CNTNAP5: variants seen among roughly 807,000 people sequenced by gnomAD.
CNTNAP5 encodes the protein contactin-associated protein-like 5.
Under a neutral mutation model 150.2 loss-of-function variants are expected in CNTNAP5, and 72 were observed. The ratio of observed to expected loss-of-function variants is 0.48; its 90% CI spans 0.40 to 0.58. CNTNAP5 has a LOEUF of 0.58. Ranked by LOEUF, CNTNAP5 falls within the 20% of genes least tolerant of loss-of-function variation. CNTNAP5 has a pLI of 0.00. For synonymous variants in CNTNAP5, 672 were observed against 619.8 expected (o/e 1.08, Z -1.25); for missense variants, 1,636 against 1,626.2 (o/e 1.01, Z -0.10).
At chr2:124,204,561 T>C (rs888673289) in intron 1 of CNTNAP5, among the ~76,000 whole-genome samples, 1 of 152,200 alleles carries the variant, frequency 6.6e-6, no homozygotes, top group Non-Finnish European at 1.5e-5. Flanking sequence ...TACTCCAGAC[T>C]GTGTAATTTA....
At chr2:124,220,294 A>G (rs2104738713) in intron 1 of CNTNAP5, among the ~76,000 whole-genome samples, 1 of 152,230 alleles carries the variant, frequency 6.6e-6, no homozygotes, top group African/African-American at 2.4e-5. Context: ...ATGAAATTAA[A>G]TGTGTACAAG....
At chr2:124,546,960 C>A (rs1558948600) in intron 10 of CNTNAP5, among the ~76,000 whole-genome samples, 1 of 152,150 alleles carries the variant, frequency 6.6e-6, no homozygotes, top group Non-Finnish European at 1.5e-5. Context: ...CAGAGTTTGA[C>A]ACCTGGTAGA....
At chr2:124,472,279 C>T (rs1409596750) in intron 6 of CNTNAP5, among the ~76,000 whole-genome samples, 1 of 151,976 alleles carries the variant, frequency 6.6e-6, no homozygotes, top group African/African-American at 2.4e-5. Flanking sequence ...ACTAAGCATT[C>T]ATTCTTATTT....
intron 1 of CNTNAP5, among the ~76,000 whole-genome samples, chr2:124,031,605 A>G (rs937366525): frequency 8.5e-5 from 13 of 152,134 alleles, no homozygotes; most frequent in Admixed American, 3.9e-4. Flanking sequence ...GGTCTTATTT[A>G]TGTATCACAT....
intron 1 of CNTNAP5, among the ~76,000 whole-genome samples, chr2:124,096,596 CATAT>C (rs1289102484): frequency 6.6e-6 from 1 of 152,110 alleles, no homozygotes; most frequent in Non-Finnish European, 1.5e-5. Flanking sequence ...GGAGGCATAT[CATAT>C]ATATTCCAAT....
At chr2:124,857,819 C>T (rs900300081) in intron 19 of CNTNAP5, among the ~76,000 whole-genome samples, 1 of 151,802 alleles carries the variant, frequency 6.6e-6, no homozygotes, top group Non-Finnish European at 1.5e-5. Flanking sequence ...AAGAGTGACA[C>T]TTCATGAAAA....
At chr2:124,829,650 A>G (rs1330018849) in intron 19 of CNTNAP5, among the ~76,000 whole-genome samples, 1 of 151,950 alleles carries the variant, frequency 6.6e-6, no homozygotes, top group Admixed American at 6.6e-5. Flanking sequence ...GCATTTGCAT[A>G]TTTTTTCATT....
chr2:124,562,763 A>G (rs1695923629), intron 10 of CNTNAP5, among the ~76,000 whole-genome samples: 1 of 152,216 alleles, frequency 6.6e-6, no homozygotes, highest in African/African-American at 2.4e-5. Context: ...TGTGCAGTTT[A>G]AAATAGATAC....
intron 8 of CNTNAP5, among the ~76,000 whole-genome samples, chr2:124,513,401 C>T (rs1694637616): frequency 1.3e-5 from 2 of 152,184 alleles, no homozygotes; most frequent in Non-Finnish European, 2.9e-5. Context: ...TTAACATACG[C>T]ATTTTGCAGG....
intron 1 of CNTNAP5, among the ~76,000 whole-genome samples, chr2:124,173,992 T>A (rs1024528326): frequency 7.9e-5 from 12 of 152,006 alleles, no homozygotes; most frequent in Non-Finnish European, 1.8e-4. Context: ...TTAAGAAGTA[T>A]GCTGATATAA....
At chr2:124,634,542 T>A (rs908230456) in intron 12 of CNTNAP5, among the ~76,000 whole-genome samples, 4 of 152,126 alleles carry the variant, frequency 2.6e-5, no homozygotes, top group Non-Finnish European at 5.9e-5. Flanking sequence ...ACGGTATCAC[T>A]TTGTCACCTA....
chr2:124,471,251 G>A (rs191213121), intron 6 of CNTNAP5, among the ~76,000 whole-genome samples: 2 of 152,100 alleles, frequency 1.3e-5, no homozygotes, highest in East Asian at 3.9e-4. Context: ...TTTGAGCAGG[G>A]GTTTGTAGTT....
At chr2:124,407,843 A>G (rs577733742) in intron 3 of CNTNAP5, among the ~76,000 whole-genome samples, 1 of 152,206 alleles carries the variant, frequency 6.6e-6, no homozygotes, top group South Asian at 2.1e-4. Flanking sequence ...TGGTGGGTTC[A>G]GTTTCCAAGT....
intron 13 of CNTNAP5, among the ~76,000 whole-genome samples, chr2:124,660,708 T>C (rs1050038451): frequency 6.6e-6 from 1 of 152,034 alleles, no homozygotes; most frequent in African/African-American, 2.4e-5. Flanking sequence ...TGTAGGCAAC[T>C]ATAATACAAT....
chr2:124,039,215 G>C (rs1213965), intron 1 of CNTNAP5, among the ~76,000 whole-genome samples: 147,082 of 152,312 alleles, frequency 0.97, 71,218 homozygotes, highest in East Asian at 1. Context: ...TTGTGAAAGC[G>C]CTTGCATTAT....
chr2:124,201,084 G>A (rs903228005), intron 1 of CNTNAP5, among the ~76,000 whole-genome samples: 5 of 152,170 alleles, frequency 3.3e-5, no homozygotes, highest in African/African-American at 9.7e-5. Context: ...GAGTTGAAGA[G>A]CAGGGCTTGT....
chr2:124,174,659 A>C (rs1317908286), intron 1 of CNTNAP5, among the ~76,000 whole-genome samples: 6 of 152,234 alleles, frequency 3.9e-5, no homozygotes, highest in Admixed American at 3.9e-4. Context: ...TTGAGATGGC[A>C]TCCACTCCTG....
intron 3 of CNTNAP5, among the ~76,000 whole-genome samples, chr2:124,404,309 T>G (rs1691512422): frequency 6.6e-6 from 1 of 152,214 alleles, no homozygotes; most frequent in South Asian, 2.1e-4. Context: ...AACATCTGCC[T>G]GGTGGCACCG....
chr2:124,612,360 T>A (rs764197346), intron 12 of CNTNAP5, among the ~76,000 whole-genome samples: 52 of 152,260 alleles, frequency 3.4e-4, no homozygotes, highest in East Asian at 1.3e-3. Flanking sequence ...TTTTAATGTG[T>A]TGTGTAGATT....
Sources: allele counts gnomAD v4.1 joint callset (sites outside exome capture counted in the v4.1 genomes callset), GRCh38; gene constraint gnomAD v4.1.1; transcripts MANE v1.5; gene names NCBI Gene and HGNC (gene_info 2026-07-23, HGNC 2026-07-21).